Variants in MGAT4C observed in about 807,000 individuals in gnomAD.
The protein encoded by MGAT4C is alpha-1,3-mannosyl-glycoprotein 4-beta-N-acetylglucosaminyltransferase C.
A neutral mutation model predicts 40.1 loss-of-function variants in MGAT4C; 19 were observed. That is an observed-to-expected ratio of 0.47 (90% CI 0.33 to 0.70). The LOEUF (loss-of-function observed/expected upper bound fraction) is 0.70. Ranked by LOEUF, MGAT4C falls within the 30% of genes least tolerant of loss-of-function variation. The pLI is 0.02. For synonymous variants in MGAT4C, 181 were observed against 187.1 expected, an observed-to-expected ratio of 0.97 and a Z score of 0.27; for missense variants, 491 against 563.2, an observed-to-expected ratio of 0.87 and a Z score of 1.30.
At chr12:86,489,635 C>A (rs1329230406) in intron 2 of MGAT4C, among the ~76,000 whole-genome samples, 1 of 152,222 alleles carries the variant, frequency 6.6e-6, no homozygotes, top group African/African-American at 2.4e-5. Flanking sequence ...AAGTTTAACT[C>A]CTGCTGGCAC....
intron 3 of MGAT4C, among the ~76,000 whole-genome samples, chr12:86,365,088 C>A (rs1488314812): frequency 2.0e-5 from 3 of 152,104 alleles, no homozygotes; most frequent in Non-Finnish European, 4.4e-5. Flanking sequence ...CAGCTTCGAC[C>A]ATAAAAGACG....
chr12:85,981,684 G>T (rs1456477222), intron 4 of MGAT4C, among the ~76,000 whole-genome samples: 1 of 152,138 alleles, frequency 6.6e-6, no homozygotes, highest in East Asian at 1.9e-4. Flanking sequence ...TTTTGGGATA[G>T]GTTTGCTATT....
Position 85,971,314 on chromosome 12 carries a change from A to T in MGAT4C, c.*7975T>A, listed in dbSNP as rs554920749. On this transcript the variant is annotated 3_prime_UTR_variant, in exon 5 of 5. Coordinates refer to ENST00000611864, the MANE Select transcript of MGAT4C (RefSeq NM_001351288.2). Reference sequence around the variant, plus strand: ...AGTGAAAATATGTAGCTTTATCTACATTACCTTGGTTTGGACAACTGAAAA... The same window carrying T: ...AGTGAAAATATGTAGCTTTATCTACTTTACCTTGGTTTGGACAACTGAAAA... 1 of 151,356 alleles carries T rather than the reference A, an allele frequency of 6.6e-6. No individual in the cohort carries two copies. The highest frequency in any genetic ancestry group is 2.4e-5 in the African/African-American group (1 of 41,468). 9.4% of individuals were successfully genotyped at this position (151,356 alleles called of 1,614,324 possible).
In MGAT4C at chr12:85,956,651, C is replaced by T. The variant is rs1450527922; in HGVS notation, c.*22638G>A. On this transcript the variant is annotated 3_prime_UTR_variant, in exon 5 of 5. Coordinates refer to ENST00000611864, the MANE Select transcript of MGAT4C (RefSeq NM_001351288.2). The stretch of plus-strand genomic sequence containing the variant: ...ATGTCATAACAATTTCAGTTTTCAG[C>T]CTGTCTTGTAAGATTTAACCCAAGC... The T allele has an allele frequency of 6.6e-6, 1 of 152,056 alleles. No homozygotes were observed. The highest frequency in any genetic ancestry group is 2.4e-5 in the African/African-American group (1 of 41,400). The allele number at this position is 152,056 out of a possible 1,614,324, so 9.4% of individuals were successfully genotyped here. A position where few individuals can be genotyped will look rare whatever the true frequency, so the allele number is the denominator to read the frequency against.
chr12:86,418,754 A>T lies in MGAT4C; in HGVS notation c.-120+16403T>A, dbSNP rs1340688406. Among the ~76,000 whole-genome samples, 5 of 152,124 alleles carry T rather than the reference A, an allele frequency of 3.3e-5. No individual in the cohort carries two copies. The East Asian group carries it at 7.7e-4, about 23-fold the overall frequency. ...ATTACAAGGAGTACCAATAAGGAGAAACAAAGTTTAAAAAGAGTAAAGCAT... is the reference window on the plus strand; with the variant it reads ...ATTACAAGGAGTACCAATAAGGAGATACAAAGTTTAAAAAGAGTAAAGCAT... On this transcript the variant is annotated intron_variant, in intron 3 of 7. Transcript: ENST00000548651.
At chr12:86,229,918 T>C (rs1438257401) in intron 1 of MGAT4C, among the ~76,000 whole-genome samples, 1 of 152,052 alleles carries the variant, frequency 6.6e-6, no homozygotes. Flanking sequence ...AATGTCTTTA[T>C]TGCAGGGAGG....
chr12:86,422,855 G>A (rs1956854868), intron 3 of MGAT4C, among the ~76,000 whole-genome samples: 1 of 152,094 alleles, frequency 6.6e-6, no homozygotes, highest in Admixed American at 6.6e-5. Flanking sequence ...TTTCTGCACT[G>A]CATCCCTCCA....
At chr12:86,535,851 T>C (rs1182890021) in intron 2 of MGAT4C, among the ~76,000 whole-genome samples, 2 of 152,088 alleles carry the variant, frequency 1.3e-5, no homozygotes, top group African/African-American at 2.4e-5. Flanking sequence ...TTCAAGCCTT[T>C]ATTTGTATGA....
intron 1 of MGAT4C, among the ~76,000 whole-genome samples, chr12:86,148,018 T>A (rs1484233637): frequency 6.6e-6 from 1 of 152,054 alleles, no homozygotes; most frequent in South Asian, 2.1e-4. Context: ...GAGAGAAAAA[T>A]TTGAAAAACC....
At chr12:86,430,881 T>G (rs1957024584) in intron 3 of MGAT4C, among the ~76,000 whole-genome samples, 1 of 152,172 alleles carries the variant, frequency 6.6e-6, no homozygotes, top group African/African-American at 2.4e-5. Context: ...ACTACTTGAT[T>G]TTCTAGGTTA....
chr12:86,406,818 T>C (rs1334597007), intron 3 of MGAT4C, among the ~76,000 whole-genome samples: 2 of 152,158 alleles, frequency 1.3e-5, no homozygotes, highest in East Asian at 3.8e-4. Context: ...CGCATACTTC[T>C]GTGACCAAAT....
chr12:86,242,316 C>T (rs2136048359), intron 1 of MGAT4C, among the ~76,000 whole-genome samples: 1 of 152,246 alleles, frequency 6.6e-6, no homozygotes, highest in African/African-American at 2.4e-5. Context: ...CATTCCCCTT[C>T]AGCTCACTCG....
intron 2 of MGAT4C, among the ~76,000 whole-genome samples, chr12:86,030,574 A>G (rs777182395): frequency 6.6e-6 from 1 of 151,740 alleles, no homozygotes; most frequent in Non-Finnish European, 1.5e-5. Flanking sequence ...TTGGATTGGG[A>G]CTTTTTAAAA....
intron 2 of MGAT4C, among the ~76,000 whole-genome samples, chr12:86,466,837 A>C (rs1957689092): frequency 6.6e-6 from 1 of 152,178 alleles, no homozygotes; most frequent in South Asian, 2.1e-4. Context: ...CTGTTAATCT[A>C]AAACATTTTC....
intron 2 of MGAT4C, among the ~76,000 whole-genome samples, chr12:86,712,174 T>G (rs1463651491): frequency 6.6e-6 from 1 of 152,144 alleles, no homozygotes; most frequent in East Asian, 1.9e-4. Flanking sequence ...AAATAACTTA[T>G]AAACTTATAT....
chr12:85,973,202 G>A lies in MGAT4C; in HGVS notation c.*6087C>T, dbSNP rs928699080. On this transcript the variant is annotated 3_prime_UTR_variant, in exon 5 of 5. Transcript: ENST00000611864. ...AAAGGGTGGAAGAGACAAATCCTAC[G>A]TCTCTTCCAGAACTTCGAGTGCACT... 31 of 150,728 alleles carry A rather than the reference G, an allele frequency of 2.1e-4. No individual in the cohort carries two copies. Among genetic ancestry groups the A allele is most frequent in the Non-Finnish European group, 3.7e-4 (25 of 66,970 alleles). 9.3% of individuals were successfully genotyped at this position (150,728 alleles called of 1,614,324 possible).
At chr12:86,187,909 C>T (rs752283949) in intron 1 of MGAT4C, among the ~76,000 whole-genome samples, 116 of 152,092 alleles carry the variant, frequency 7.6e-4, no homozygotes, top group South Asian at 2.1e-3. Context: ...GAAATTCTCT[C>T]GACAAATCAA....
At chr12:86,578,750 GT>G (rs1041017385) in intron 2 of MGAT4C, among the ~76,000 whole-genome samples, 34 of 151,270 alleles carry the variant, frequency 2.2e-4, no homozygotes, top group South Asian at 4.2e-4. Flanking sequence ...ACCTTCCCTT[GT>G]TTTTTCTTAA....
chr12:86,317,499 GA>G (rs982912526), intron 4 of MGAT4C, among the ~76,000 whole-genome samples: 42 of 151,998 alleles, frequency 2.8e-4, no homozygotes, highest in Admixed American at 9.8e-4. Context: ...ATATGTGTCA[GA>G]AAAAAATATA....
Sources: gnomAD v4.1 joint callset for allele counts (sites outside exome capture counted in the v4.1 genomes callset) on GRCh38, gnomAD v4.1.1 for gene constraint, MANE v1.5 for transcripts, NCBI Gene and HGNC (gene_info 2026-07-23, HGNC 2026-07-21) for gene names.